Variants in LRP1B observed in about 807,000 individuals in gnomAD.
LRP1B encodes low-density lipoprotein receptor-related protein 1B.
Under a neutral mutation model 556.6 loss-of-function variants are expected in LRP1B, and 217 were observed. The ratio of observed to expected loss-of-function variants is 0.39; its 90% CI spans 0.35 to 0.44. The LOEUF is 0.44. Among genes scored for constraint, LRP1B ranks in the 20% least tolerant of loss-of-function variants. The pLI, the probability that LRP1B is intolerant of heterozygous loss-of-function variation, is 1.00. For missense variants in LRP1B, 5,053 were observed against 5,620.8 expected, an observed-to-expected ratio of 0.90 and a Z score of 3.23; for synonymous variants, 2,047 against 1,865.8, an observed-to-expected ratio of 1.10 and a Z score of -2.50.
intron 1 of LRP1B, among the ~76,000 whole-genome samples, chr2:141,912,624 C>A (rs557829396): frequency 1.3e-5 from 2 of 152,176 alleles, no homozygotes; most frequent in African/African-American, 4.8e-5. Flanking sequence ...GAACATGCCA[C>A]TCTGGTATAT....
At chr2:141,939,808 A>G (rs968550606) in intron 1 of LRP1B, among the ~76,000 whole-genome samples, 8 of 152,094 alleles carry the variant, frequency 5.3e-5, no homozygotes, top group Non-Finnish European at 1.0e-4. Flanking sequence ...GAAATTGGCA[A>G]ACACTACAAT....
intron 66 of LRP1B, among the ~76,000 whole-genome samples, chr2:140,392,410 T>C (rs143690685): frequency 0.056 from 8,506 of 152,228 alleles, 336 homozygotes; most frequent in Middle Eastern, 0.16. Flanking sequence ...TTGCTTTCTC[T>C]GCCCTATTGT....
chr2:141,449,524 T>A (rs970575584), intron 3 of LRP1B, among the ~76,000 whole-genome samples: 1 of 152,194 alleles, frequency 6.6e-6, no homozygotes, highest in East Asian at 1.9e-4. Flanking sequence ...CTTCTCAATA[T>A]CTTCCTAACT....
At chr2:141,136,808 G>T (rs1002179252) in intron 7 of LRP1B, among the ~76,000 whole-genome samples, 1 of 151,674 alleles carries the variant, frequency 6.6e-6, no homozygotes, top group African/African-American at 2.4e-5. Context: ...TTAGATTTTC[G>T]GTGTAGCAGA....
Position 140,287,954 on chromosome 2 carries a change from A to C in LRP1B, c.12967+9854T>G, listed in dbSNP as rs1184002405. The stretch of plus-strand genomic sequence containing the variant: ...ATTAAAAAATGTCTACATTTATTTA[A>C]TCAGATTTATGATGTATTTTTGCAT... On this transcript the variant is annotated intron_variant, in intron 84 of 90. Coordinates refer to ENST00000389484, the MANE Select transcript of LRP1B (RefSeq NM_018557.3). Among the ~76,000 whole-genome samples the C allele has an allele frequency of 2.0e-5, 3 of 151,942 alleles. No individual in the cohort carries two copies. In the East Asian group the frequency reaches 5.8e-4, roughly 29 times the overall value.
Position 140,780,374 on chromosome 2 carries a change from T to C in LRP1B, c.5360-4136A>G, listed in dbSNP as rs116190798. Among the ~76,000 whole-genome samples the C allele has an allele frequency of 3.8e-3, 582 of 152,136 alleles. 3 individuals carry two copies. Among genetic ancestry groups the C allele is most frequent in the African/African-American group, 0.012 (513 of 41,498 alleles). ...AATTGAGGGCCTACTGGGCTGGCTG[T>C]CTGACTAAAGAAAAAGGCCATTGTT... On this transcript the variant is annotated intron_variant, in intron 32 of 90. Coordinates refer to ENST00000389484, the MANE Select transcript of LRP1B (RefSeq NM_018557.3).
chr2:142,037,880 G>A (rs144071492), intron 1 of LRP1B, among the ~76,000 whole-genome samples: 152 of 151,486 alleles, frequency 1.0e-3, no homozygotes, highest in Admixed American at 3.5e-3. Context: ...CAGAAATGTA[G>A]AGTGGCCTCA....
At chr2:141,191,324 A>AT (rs1209194989) in intron 6 of LRP1B, among the ~76,000 whole-genome samples, 1 of 151,708 alleles carries the variant, frequency 6.6e-6, no homozygotes, top group Non-Finnish European at 1.5e-5. Context: ...TCAAAATTAT[A>AT]TTTTTTCCTC....
chr2:140,737,853 C>G (rs1012788404), intron 35 of LRP1B, among the ~76,000 whole-genome samples: 1 of 152,148 alleles, frequency 6.6e-6, no homozygotes, highest in African/African-American at 2.4e-5. Context: ...GCCTTAATCA[C>G]GTAATAGCCC....
chr2:140,541,666 AATAT>A, intron 44 of LRP1B, 109 bp downstream of exon 44: 1 of 853,690 alleles, frequency 1.2e-6, no homozygotes, highest in Admixed American at 2.7e-5. Flanking sequence ...AACAAAAAAT[AATAT>A]TTTTTAAAAG....
At chr2:141,924,147 A>T (rs1402316422) in intron 1 of LRP1B, among the ~76,000 whole-genome samples, 1 of 151,834 alleles carries the variant, frequency 6.6e-6, no homozygotes, top group Non-Finnish European at 1.5e-5. Flanking sequence ...TACCCATATA[A>T]CCTCGAACCC....
intron 41 of LRP1B, among the ~76,000 whole-genome samples, chr2:140,653,631 A>G (rs540295949): frequency 6.6e-6 from 1 of 152,274 alleles, no homozygotes; most frequent in South Asian, 2.1e-4. Context: ...AGCCTAAGAT[A>G]ATATATGTGA....
At chr2:141,495,899 T>C (rs904086131) in intron 2 of LRP1B, among the ~76,000 whole-genome samples, 1 of 152,122 alleles carries the variant, frequency 6.6e-6, no homozygotes, top group Non-Finnish European at 1.5e-5. Flanking sequence ...TATTATCTAA[T>C]GAAGTTGATT....
intron 3 of LRP1B, among the ~76,000 whole-genome samples, chr2:141,390,637 A>G (rs1690015821): frequency 6.6e-6 from 1 of 152,248 alleles, no homozygotes; most frequent in African/African-American, 2.4e-5. Flanking sequence ...TACAACATGG[A>G]CAAATCTCAA....
chr2:141,914,375 G>T (rs1165071958), intron 1 of LRP1B, among the ~76,000 whole-genome samples: 3 of 152,184 alleles, frequency 2.0e-5, no homozygotes, highest in Non-Finnish European at 4.4e-5. Flanking sequence ...GTGTTTTTAA[G>T]TAGGTTGACT....
intron 1 of LRP1B, among the ~76,000 whole-genome samples, chr2:142,111,443 A>G (rs1012219772): frequency 6.6e-6 from 1 of 152,124 alleles, no homozygotes; most frequent in Non-Finnish European, 1.5e-5. Flanking sequence ...GATCCTGCGC[A>G]TACATTTCTC....
At chr2:140,463,375 T>G (rs182713048) in intron 60 of LRP1B, among the ~76,000 whole-genome samples, 1 of 152,332 alleles carries the variant, frequency 6.6e-6, no homozygotes, top group East Asian at 1.9e-4. Flanking sequence ...TAATTATGTA[T>G]GTCTCCTTTG....
At chr2:141,088,158 T>C (rs1052142760) in intron 7 of LRP1B, among the ~76,000 whole-genome samples, 4 of 152,176 alleles carry the variant, frequency 2.6e-5, no homozygotes, top group Admixed American at 2.6e-4. Flanking sequence ...TTGTTAGTTA[T>C]GTACAATAGA....
chr2:141,615,054 G>A (rs1688245049), intron 2 of LRP1B, among the ~76,000 whole-genome samples: 1 of 152,150 alleles, frequency 6.6e-6, no homozygotes, highest in Non-Finnish European at 1.5e-5. Context: ...TATGTTAGAG[G>A]ACCTTCTAGT....
Sources: allele counts gnomAD v4.1 joint callset (sites outside exome capture counted in the v4.1 genomes callset), GRCh38; gene constraint gnomAD v4.1.1; transcripts MANE v1.5; gene names NCBI Gene and HGNC (gene_info 2026-07-23, HGNC 2026-07-21).